Variants in RBMS3 observed in about 807,000 individuals in gnomAD.
RBMS3 encodes RNA binding motif single stranded interacting protein 3.
A neutral mutation model predicts 66.8 loss-of-function variants in RBMS3; 27 were observed. The observed-to-expected ratio is 0.40, with a 90% CI of 0.30 to 0.56. The LOEUF (loss-of-function observed/expected upper bound fraction) is 0.56, where lower values mean the gene tolerates loss of function less well. Ranked by LOEUF, RBMS3 falls within the 20% of genes least tolerant of loss-of-function variation. RBMS3 has a pLI of 0.40. For synonymous variants in RBMS3, 188 were observed against 183.0 expected, an observed-to-expected ratio of 1.03 and a Z score of -0.22; for missense variants, 513 against 549.5, an observed-to-expected ratio of 0.93 and a Z score of 0.66.
At chr3:29,350,848 C>T (rs932528789) in intron 1 of RBMS3, among the ~76,000 whole-genome samples, 1 of 145,880 alleles carries the variant, frequency 6.9e-6, no homozygotes, top group Non-Finnish European at 1.5e-5. Context: ...AAAAGAAAAA[C>T]AAAGTAAAAA....
At chr3:29,405,066 G>T (rs1368330700) in intron 1 of RBMS3, among the ~76,000 whole-genome samples, 1 of 152,096 alleles carries the variant, frequency 6.6e-6, no homozygotes, top group Non-Finnish European at 1.5e-5. Context: ...GTCACTTCTT[G>T]CCTAGGGTTT....
At chr3:29,793,477 A>C (rs2057082346) in intron 6 of RBMS3, among the ~76,000 whole-genome samples, 1 of 152,236 alleles carries the variant, frequency 6.6e-6, no homozygotes, top group African/African-American at 2.4e-5. Context: ...TTCTATTGCT[A>C]AAAAAGTAAT....
chr3:29,349,886 G>A (rs1440461942), intron 1 of RBMS3, among the ~76,000 whole-genome samples: 1 of 152,140 alleles, frequency 6.6e-6, no homozygotes, highest in Non-Finnish European at 1.5e-5. Flanking sequence ...CAGGCCGGGT[G>A]AGGTGACTCA....
At chr3:29,701,827 T>C (rs2052603395) in intron 4 of RBMS3, among the ~76,000 whole-genome samples, 1 of 146,480 alleles carries the variant, frequency 6.8e-6, no homozygotes, top group Non-Finnish European at 1.5e-5. Flanking sequence ...GCTTGGGACC[T>C]GAAGCCTGCG....
At position 29,868,895 on chromosome 3, in the gene RBMS3, A is replaced by G. The variant is rs750056552; in HGVS notation, c.675A>G (p.Gly225=). 6.2e-7 allele frequency: 1 copy of G among 1,604,154 alleles called. No individual in the cohort carries two copies. The highest frequency in any genetic ancestry group is 8.5e-7 in the Non-Finnish European group (1 of 1,174,706). ...CTTTGCTGTGCAAATTCGCTGATGG[A>G]GGACAAAAGAAGCGACAGAATCAAA... The part of the protein sequence containing the change: ...SEPLLCKFAD[G]GQKKRQNQSK... Residue 225 remains glycine, a synonymous_variant, in exon 7 of 15, where the codon GGA becomes GGG. Transcript: ENST00000383767.
chr3:30,000,677 G>C (rs1363601324), intron 14 of RBMS3, among the ~76,000 whole-genome samples: 1 of 152,046 alleles, frequency 6.6e-6, no homozygotes, highest in African/African-American at 2.4e-5. Context: ...AAGAAAATGT[G>C]GCATATATAC....
At chr3:29,834,270 T>G (rs1221634556) in intron 6 of RBMS3, among the ~76,000 whole-genome samples, 1 of 152,028 alleles carries the variant, frequency 6.6e-6, no homozygotes, top group Non-Finnish European at 1.5e-5. Flanking sequence ...AACTCACCAG[T>G]AAAAGTAAAT....
At chr3:29,703,664 A>C (rs1479846807) in intron 4 of RBMS3, among the ~76,000 whole-genome samples, 1 of 152,188 alleles carries the variant, frequency 6.6e-6, no homozygotes, top group Non-Finnish European at 1.5e-5. Flanking sequence ...AGTAGGTGCA[A>C]ACTCACCTGA....
chr3:29,559,541 A>C (rs1042643840), intron 3 of RBMS3, among the ~76,000 whole-genome samples: 2 of 135,502 alleles, frequency 1.5e-5, no homozygotes, highest in Admixed American at 7.8e-5. Context: ...AAAAAAAAAA[A>C]AAAAAAAAAA....
intron 12 of RBMS3, among the ~76,000 whole-genome samples, chr3:29,967,612 T>C (rs1696939164): frequency 6.6e-6 from 1 of 152,180 alleles, no homozygotes; most frequent in South Asian, 2.1e-4. Context: ...TTTGTTGTTG[T>C]TGGTAATTTT....
chr3:29,541,219 A>G (rs929513174), intron 3 of RBMS3, among the ~76,000 whole-genome samples: 1 of 152,186 alleles, frequency 6.6e-6, no homozygotes, highest in Admixed American at 6.5e-5. Flanking sequence ...TTCGGAGCTC[A>G]GACTTCTCCC....
At chr3:29,703,475 G>A (rs1031589569) in intron 4 of RBMS3, among the ~76,000 whole-genome samples, 1 of 152,160 alleles carries the variant, frequency 6.6e-6, no homozygotes, top group African/African-American at 2.4e-5. Flanking sequence ...TATCAGATGG[G>A]AACTATTACG....
At chr3:29,392,562 C>A (rs2039349965) in intron 1 of RBMS3, among the ~76,000 whole-genome samples, 1 of 152,142 alleles carries the variant, frequency 6.6e-6, no homozygotes, top group African/African-American at 2.4e-5. Flanking sequence ...CCATTTAGTA[C>A]TTATTATAAT....
chr3:29,968,797 A>C (rs574307040), intron 12 of RBMS3, among the ~76,000 whole-genome samples: 32 of 152,324 alleles, frequency 2.1e-4, no homozygotes, highest in Admixed American at 1.2e-3. Context: ...TCTAGAGCTA[A>C]AATTCACAGT....
intron 1 of RBMS3, among the ~76,000 whole-genome samples, chr3:29,338,509 G>A (rs2036084011): frequency 6.6e-6 from 1 of 152,122 alleles, no homozygotes; most frequent in Non-Finnish European, 1.5e-5. Context: ...TGTAAGAAAT[G>A]CAAATTCTCA....
intron 12 of RBMS3, among the ~76,000 whole-genome samples, chr3:29,963,798 G>A (rs1696638279): frequency 6.7e-6 from 1 of 149,390 alleles, no homozygotes; most frequent in South Asian, 2.1e-4. Context: ...CCGTACTCCA[G>A]GCTAGGTGAC....
intron 1 of RBMS3, among the ~76,000 whole-genome samples, chr3:29,302,091 C>A (rs566175249): frequency 1.3e-5 from 2 of 151,956 alleles, no homozygotes; most frequent in Non-Finnish European, 2.9e-5. Context: ...CTCACTGCAG[C>A]CTTGAGCTTC....
At chr3:29,771,821 G>A (rs756621603) in intron 6 of RBMS3, among the ~76,000 whole-genome samples, 1 of 151,960 alleles carries the variant, frequency 6.6e-6, no homozygotes, top group Non-Finnish European at 1.5e-5. Flanking sequence ...AGAGAGTGAA[G>A]GAGGAGGTGC....
At chr3:29,406,634 C>T (rs2040025867) in intron 1 of RBMS3, among the ~76,000 whole-genome samples, 1 of 152,130 alleles carries the variant, frequency 6.6e-6, no homozygotes, top group Non-Finnish European at 1.5e-5. Context: ...TATCATGAGC[C>T]AAGACTGGGC....
Sources: allele counts gnomAD v4.1 joint callset (sites outside exome capture counted in the v4.1 genomes callset), GRCh38; gene constraint gnomAD v4.1.1; transcripts MANE v1.5; gene names NCBI Gene and HGNC (gene_info 2026-07-23, HGNC 2026-07-21).